The following UGT1A5 variants were observed in gnomAD, a reference collection of about 807,000 sequenced individuals.
UGT1A5 encodes UDP-glucuronosyltransferase 1A5.
A neutral mutation model predicts 40.3 loss-of-function variants in UGT1A5; 29 were observed. The observed-to-expected ratio is 0.72, with a 90% CI of 0.54 to 0.98. The LOEUF is 0.98. Among genes scored for constraint, UGT1A5 ranks in the 50% least tolerant of loss-of-function variants. The pLI, the probability that UGT1A5 is intolerant of heterozygous loss-of-function variation, is 0.00. For missense variants in UGT1A5, 678 were observed against 677.9 expected (o/e 1.00, Z 0.00); for synonymous variants, 257 against 262.5 (o/e 0.98, Z 0.20).
At chr2:233,714,779 A>T (rs2076411576) in intron 1 of UGT1A5, among the ~76,000 whole-genome samples, 1 of 152,270 alleles carries the variant, frequency 6.6e-6, no homozygotes, top group African/African-American at 2.4e-5. Flanking sequence ...AATTTGGAAT[A>T]GCCACATTTC....
intron 1 of UGT1A5, among the ~76,000 whole-genome samples, chr2:233,727,486 G>T (rs2077620182): frequency 6.6e-6 from 1 of 152,192 alleles, no homozygotes; most frequent in Non-Finnish European, 1.5e-5. Flanking sequence ...ACTACTTGGA[G>T]GTAGAACATG....
intron 1 of UGT1A5, chr2:233,754,848 A>G (rs1437174207): frequency 7.4e-7 from 1 of 1,344,734 alleles, no homozygotes; most frequent in African/African-American, 1.5e-5. Flanking sequence ...GAAGGCAGAG[A>G]AAAGGGGTGC....
At chr2:233,742,936 C>T (rs78644424) in intron 1 of UGT1A5, 5,022 of 211,572 alleles carry the variant, frequency 0.024, 84 homozygotes, top group Non-Finnish European at 0.03. Flanking sequence ...ACATTCTGTC[C>T]TACCACTAGC....
intron 1 of UGT1A5, among the ~76,000 whole-genome samples, chr2:233,738,616 G>A (rs1192038342): frequency 6.6e-6 from 1 of 152,208 alleles, no homozygotes; most frequent in Non-Finnish European, 1.5e-5. Context: ...AAAGAAACTC[G>A]TGGCATTTTT....
At chr2:233,721,187 A>G (rs1363550880) in intron 1 of UGT1A5, among the ~76,000 whole-genome samples, 3 of 152,172 alleles carry the variant, frequency 2.0e-5, no homozygotes, top group Admixed American at 1.3e-4. Flanking sequence ...AAACCACAAG[A>G]TATTTGTTCT....
intron 1 of UGT1A5, chr2:233,760,886 A>C (rs1453639780): frequency 8.7e-6 from 14 of 1,613,816 alleles, no homozygotes; most frequent in Non-Finnish European, 1.1e-5. Flanking sequence ...CTCTCCTCTC[A>C]TTCAGATCAC....
chr2:233,725,049 T>G (rs1559369971), intron 1 of UGT1A5, among the ~76,000 whole-genome samples: 1 of 147,424 alleles, frequency 6.8e-6, no homozygotes, highest in African/African-American at 2.5e-5. Context: ...CAGTCAGGCG[T>G]GGCGGCGCGC....
intron 1 of UGT1A5, chr2:233,742,641 A>G (rs1692051746): frequency 1.3e-5 from 2 of 152,170 alleles, no homozygotes. Flanking sequence ...GTCCTAGTAT[A>G]CCACCGACCA....
At chr2:233,749,384 C>T (rs1010265911) in intron 1 of UGT1A5, among the ~76,000 whole-genome samples, 1 of 151,836 alleles carries the variant, frequency 6.6e-6, no homozygotes, top group Non-Finnish European at 1.5e-5. Flanking sequence ...TCCAGTTTTT[C>T]AATGTGAACA....
intron 1 of UGT1A5, chr2:233,743,397 A>G (rs1186431371): frequency 1.6e-6 from 2 of 1,281,698 alleles, no homozygotes; most frequent in Non-Finnish European, 2.1e-6. Context: ...TGCAGAAGGA[A>G]GAAAGGCCCC....
rs1176429614 is a variant in UGT1A5, at chr2:233,757,538, ATATATATATATATATATATATATG to A, written c.868-9488_868-9465del. Among the ~76,000 whole-genome samples, 814 of 109,752 alleles carry A rather than the reference ATATATATATATATATATATATATG, an allele frequency of 7.4e-3. 44 individuals carry two copies. The highest frequency in any genetic ancestry group is 0.034 in the African/African-American group (774 of 22,608). The allele number at this position is 109,752 out of a possible 152,430, so 72.0% of individuals were successfully genotyped here. ...AGCCAAAATCTTGCCTGTAAGGAAT[ATATATATATATATATATATATATG>A]TATATATGATATAGCTATAGTCTAA... On this transcript the variant is annotated intron_variant, in intron 1 of 4. Coordinates refer to ENST00000373414, the MANE Select transcript of UGT1A5 (RefSeq NM_019078.2).
At chr2:233,723,984 CCGCCTTTCT>C (rs1314945551) in intron 1 of UGT1A5, among the ~76,000 whole-genome samples, 116 of 66,216 alleles carry the variant, frequency 1.8e-3, no homozygotes, top group South Asian at 2.6e-3. Context: ...CCCACCTTTC[CCGCCTTTCT>C]ATTCCACAAA....
At chr2:233,726,985 G>C (rs1185524522) in intron 1 of UGT1A5, among the ~76,000 whole-genome samples, 1 of 152,130 alleles carries the variant, frequency 6.6e-6, no homozygotes, top group African/African-American at 2.4e-5. Flanking sequence ...TTTTGATGAG[G>C]TTCTTTCTAG....
chr2:233,753,656 A>G (rs554176629), intron 1 of UGT1A5: 2 of 152,198 alleles, frequency 1.3e-5, no homozygotes, highest in Non-Finnish European at 2.9e-5. Flanking sequence ...TACTTTCTCA[A>G]TTGTGTGTAT....
rs548037824 is a variant in UGT1A5, at chr2:233,759,409, G to A, written c.868-7625G>A. ...ACTCAGAGTAACCGTGTGACCTGTAGTAAGCAAAGGGCCAGTTGGCTCTAT... is the reference window on the plus strand; with the variant it reads ...ACTCAGAGTAACCGTGTGACCTGTAATAAGCAAAGGGCCAGTTGGCTCTAT... On this transcript the variant is annotated intron_variant, in intron 1 of 4. Transcript: ENST00000373414. 7.2e-5 allele frequency among the ~76,000 whole-genome samples: 11 copies of A among 152,280 alleles called. 1 individual carries two copies. The South Asian group carries it at 2.3e-3, about 32-fold the overall frequency.
At chr2:233,724,404 G>T (rs1202271642) in intron 1 of UGT1A5, among the ~76,000 whole-genome samples, 1 of 140,424 alleles carries the variant, frequency 7.1e-6, no homozygotes, top group Admixed American at 7.0e-5. Context: ...CTTCCCAGAT[G>T]GGGTGGCTGC....
At chr2:233,724,731 AG>A (rs1324353802) in intron 1 of UGT1A5, among the ~76,000 whole-genome samples, 1 of 143,714 alleles carries the variant, frequency 7.0e-6, no homozygotes, top group Non-Finnish European at 1.5e-5. Context: ...AGCCAGGCAG[AG>A]GGGCTCCTCA....
chr2:233,747,127 T>C, intron 1 of UGT1A5: 1 of 1,513,692 alleles, frequency 6.6e-7, no homozygotes, highest in South Asian at 1.2e-5. Context: ...GCTAAGTGGC[T>C]CAGTGACAAG....
chr2:233,758,882 G>A (rs1040382997), intron 1 of UGT1A5, among the ~76,000 whole-genome samples: 12 of 152,162 alleles, frequency 7.9e-5, no homozygotes, highest in African/African-American at 2.7e-4. Context: ...ATAGTCCATG[G>A]TCAATAAATA....
Sources: allele counts gnomAD v4.1 joint callset (sites outside exome capture counted in the v4.1 genomes callset), GRCh38; gene constraint gnomAD v4.1.1; transcripts MANE v1.5; gene names NCBI Gene and HGNC (gene_info 2026-07-23, HGNC 2026-07-21).